Variants in RELN observed in about 807,000 individuals in gnomAD.
RELN encodes reelin.
Under a neutral mutation model 427.6 loss-of-function variants are expected in RELN, and 108 were observed. That is an observed-to-expected ratio of 0.25 (90% confidence interval 0.22 to 0.30). The LOEUF (loss-of-function observed/expected upper bound fraction) is 0.30, where lower values mean the gene tolerates loss of function less well. Ranked by LOEUF, RELN falls within the 10% of genes least tolerant of loss-of-function variation. RELN has a pLI of 1.00. For missense variants in RELN, 3,715 were observed against 4,302.8 expected (o/e 0.86, Z 3.82); for synonymous variants, 1,524 against 1,513.4 (o/e 1.01, Z -0.16).
At chr7:103,654,630 G>C (rs952639659) in intron 12 of RELN, among the ~76,000 whole-genome samples, 3 of 152,110 alleles carry the variant, frequency 2.0e-5, no homozygotes, top group African/African-American at 7.2e-5. Context: ...AAGGAATTCT[G>C]AAGTAGTGTT....
rs1830400953 is a variant in RELN, at chr7:103,551,144, G to A, written c.6225C>T (p.Pro2075=). 5 of 1,614,078 alleles carry A rather than the reference G, an allele frequency of 3.1e-6. No homozygotes were observed. The highest frequency in any genetic ancestry group is 3.4e-6 in the Non-Finnish European group (4 of 1,180,004). Residue 2075 remains proline (P), a synonymous_variant, in exon 41 of 65, where the codon CCC becomes CCT. Transcript: ENST00000428762. ...TGGTTCCTGCGTAGTAGGTGCTGCT[G>A]GGGTGGTGCTCGGTGGAGCATAAAG... The part of the protein sequence containing the change: ...VSSLCSTEHH[P]SSTYYAGTMQ...
chr7:103,512,245 C>T (rs1829443997), intron 50 of RELN, among the ~76,000 whole-genome samples: 1 of 152,076 alleles, frequency 6.6e-6, no homozygotes, highest in Non-Finnish European at 1.5e-5. Context: ...GAGTTTATAA[C>T]AAACTTGTTA....
At chr7:103,870,214 G>C (rs1212822969) in intron 2 of RELN, among the ~76,000 whole-genome samples, 2 of 151,940 alleles carry the variant, frequency 1.3e-5, no homozygotes, top group African/African-American at 4.8e-5. Context: ...TAAAGTCTTT[G>C]TTAAATTCAG....
intron 17 of RELN, among the ~76,000 whole-genome samples, chr7:103,636,718 T>C (rs946097634): frequency 6.6e-6 from 1 of 152,230 alleles, no homozygotes; most frequent in Non-Finnish European, 1.5e-5. Context: ...TTCAGCAATT[T>C]ATCTAAAATA....
Position 103,521,967 on chromosome 7 carries a change from A to C in RELN, c.7668+55T>G, listed in dbSNP as rs115915726. 3,504 of 1,567,666 alleles carry C rather than the reference A, an allele frequency of 2.2e-3. 55 individuals carry two copies. The African/African-American group carries it at 0.043, about 19-fold the overall frequency. On this transcript the variant is annotated intron_variant, in intron 48 of 64. Transcript: ENST00000428762. ...ATTAAACTTCAGAAGAGAGTCAACTATTTGGAAGGAACTTAAGAAGAGCAG... is the reference window on the plus strand; with the variant it reads ...ATTAAACTTCAGAAGAGAGTCAACTCTTTGGAAGGAACTTAAGAAGAGCAG...
chr7:103,839,486 G>A (rs1793500182), intron 2 of RELN, among the ~76,000 whole-genome samples: 1 of 152,038 alleles, frequency 6.6e-6, no homozygotes, highest in African/African-American at 2.4e-5. Context: ...AACAGACACT[G>A]TGTTAGGCTC....
chr7:103,700,839 T>C (rs1031580042), intron 9 of RELN, 71 bp downstream of exon 9: 9 of 926,164 alleles, frequency 9.7e-6, no homozygotes, highest in Non-Finnish European at 1.4e-5. Context: ...TAGTGGTGGA[T>C]TGAAGGCATA....
At chr7:103,914,311 A>T (rs1384203713) in intron 2 of RELN, among the ~76,000 whole-genome samples, 1 of 151,998 alleles carries the variant, frequency 6.6e-6, no homozygotes, top group Non-Finnish European at 1.5e-5. Flanking sequence ...GAACTGACAA[A>T]TGACAGTTTG....
At chr7:103,631,528 G>A (rs1453125169) in intron 19 of RELN, among the ~76,000 whole-genome samples, 6 of 151,898 alleles carry the variant, frequency 4.0e-5, no homozygotes, top group African/African-American at 4.8e-5. Flanking sequence ...TCCTAACCTC[G>A]TGATCTGCCT....
At chr7:103,896,084 G>C (rs190968859) in intron 2 of RELN, among the ~76,000 whole-genome samples, 73 of 152,142 alleles carry the variant, frequency 4.8e-4, no homozygotes, top group African/African-American at 1.7e-3. Flanking sequence ...AAAGTGCTCA[G>C]TATCAATAGT....
intron 40 of RELN, 87 bp from the exon 41 acceptor site, chr7:103,551,383 A>G (rs1830407811): frequency 1.1e-6 from 1 of 941,408 alleles, no homozygotes; most frequent in South Asian, 1.4e-5. Context: ...TCTAGGGTCC[A>G]TTTTCCTGGG....
chr7:103,900,835 AT>A (rs756105882), intron 2 of RELN, among the ~76,000 whole-genome samples: 8 of 152,114 alleles, frequency 5.3e-5, no homozygotes, highest in Non-Finnish European at 1.0e-4. Flanking sequence ...TTATATAAAA[AT>A]CAACTCAAGA....
chr7:103,726,732 C>G (rs564348965), intron 7 of RELN, among the ~76,000 whole-genome samples: 2 of 152,186 alleles, frequency 1.3e-5, no homozygotes, highest in South Asian at 4.1e-4. Context: ...GGCATTTAGT[C>G]TAAGCTCAAT....
intron 2 of RELN, among the ~76,000 whole-genome samples, chr7:103,862,130 T>C (rs1374086122): frequency 6.6e-6 from 1 of 151,848 alleles, no homozygotes; most frequent in Non-Finnish European, 1.5e-5. Flanking sequence ...CCGAGGAGAG[T>C]GAAATAAAAC....
In RELN at chr7:103,973,317, A is replaced by T. The variant is rs141485516; in HGVS notation, c.226+15814T>A. ...ACAGGAAAAGAAACATAAACAAGTG[A>T]GATAAGCCCACTAACAATGCATGCA... On this transcript the variant is annotated intron_variant, in intron 1 of 64. Transcript: ENST00000428762. 1.1e-3 allele frequency among the ~76,000 whole-genome samples: 169 copies of T among 152,362 alleles called. 2 individuals are homozygous for T. The highest frequency in any genetic ancestry group is 1.6e-4 in the Non-Finnish European group (11 of 68,030).
At chr7:103,504,022 G>A (rs1211725660) in intron 51 of RELN, among the ~76,000 whole-genome samples, 2 of 151,908 alleles carry the variant, frequency 1.3e-5, no homozygotes, top group Non-Finnish European at 2.9e-5. Context: ...TGACCAACAT[G>A]GTGAAACCCT....
At chr7:103,903,150 A>G (rs1375887226) in intron 2 of RELN, among the ~76,000 whole-genome samples, 1 of 152,074 alleles carries the variant, frequency 6.6e-6, no homozygotes, top group Admixed American at 6.6e-5. Flanking sequence ...TTTGAAGTTT[A>G]TTCCCTGAAG....
intron 3 of RELN, among the ~76,000 whole-genome samples, chr7:103,829,205 G>A (rs1048252119): frequency 2.0e-5 from 3 of 151,924 alleles, no homozygotes; most frequent in African/African-American, 7.2e-5. Context: ...TAATGTTGTA[G>A]TTGTTATTTT....
At chr7:103,553,384 C>G in intron 40 of RELN, 77 bp downstream of exon 40, 1 of 1,096,622 alleles carries the variant, frequency 9.1e-7, no homozygotes, top group Admixed American at 1.9e-5. Flanking sequence ...ATGAAATTAT[C>G]TGAGATTTTC....
Sources: allele counts gnomAD v4.1 joint callset (sites outside exome capture counted in the v4.1 genomes callset), GRCh38; gene constraint gnomAD v4.1.1; transcripts MANE v1.5; gene names NCBI Gene and HGNC (gene_info 2026-07-23, HGNC 2026-07-21).